TAF2: variants seen among roughly 807,000 people sequenced by gnomAD.
TAF2 encodes the protein TATA-box binding protein associated factor 2.
TAF2 carries 61 observed loss-of-function variants against 138.5 expected under a neutral mutation model. The ratio of observed to expected loss-of-function variants is 0.44; its 90% confidence interval spans 0.36 to 0.54. The LOEUF (loss-of-function observed/expected upper bound fraction) is 0.54, where lower values mean the gene tolerates loss of function less well. Among genes scored for constraint, TAF2 ranks in the 20% least tolerant of loss-of-function variants. TAF2 has a pLI of 0.00. For synonymous variants in TAF2, 475 were observed against 469.9 expected (o/e 1.01, Z -0.14); for missense variants, 1,090 against 1,427.9 (o/e 0.76, Z 3.81).
At chr8:119,797,936 T>C in intron 6 of TAF2, 90 bp from the exon 7 acceptor site, 1 of 1,196,364 alleles carries the variant, frequency 8.4e-7, no homozygotes, top group Non-Finnish European at 1.2e-6. Context: ...TAAATAAATG[T>C]TCTCATAAAT....
intron 18 of TAF2, among the ~76,000 whole-genome samples, chr8:119,772,116 A>AT (rs1187903908): frequency 6.6e-6 from 1 of 152,190 alleles, no homozygotes; most frequent in Non-Finnish European, 1.5e-5. Context: ...ATCAAGACAA[A>AT]TAAAAAAAAG....
chr8:119,772,236 T>A (rs555460333), intron 18 of TAF2, among the ~76,000 whole-genome samples: 8 of 152,302 alleles, frequency 5.3e-5, no homozygotes, highest in Admixed American at 5.2e-4. Context: ...GATCTCAAAT[T>A]AACAACCTAC....
At chr8:119,808,650 G>C (rs558315184) in intron 3 of TAF2, among the ~76,000 whole-genome samples, 1 of 152,280 alleles carries the variant, frequency 6.6e-6, no homozygotes, top group East Asian at 1.9e-4. Flanking sequence ...AATAAGACTT[G>C]AAAGTAGAAA....
chr8:119,792,960 T>C (rs890044688), intron 10 of TAF2, among the ~76,000 whole-genome samples: 2 of 152,098 alleles, frequency 1.3e-5, no homozygotes, highest in African/African-American at 4.8e-5. Context: ...CTGTGGTACT[T>C]TGGTATAGTA....
In TAF2 at chr8:119,797,079, C is replaced by T; in HGVS notation, c.1002G>A (p.Met334Ile). The stretch of plus-strand genomic sequence containing the variant: ...TAGTCAAAGGTGTCTCATCTATAAT[C>T]ATGGCACTGTGTAAAAGATTTGTGC... ...IFSTNLLHSA[M>I]IIDETPLTRR... Residue 334 changes from methionine (M) to isoleucine (I), a missense_variant, in exon 8 of 26, where the codon ATG (methionine) becomes ATA (isoleucine). This residue lies in a region of TAF2 where 504 missense variants were observed against 680.9 expected (regional missense o/e 0.74). Transcript: ENST00000378164. 1 of 1,613,072 alleles carries T rather than the reference C, an allele frequency of 6.2e-7. No homozygotes were observed. Among genetic ancestry groups the T allele is most frequent in the Non-Finnish European group, 8.5e-7 (1 of 1,179,368 alleles).
intron 18 of TAF2, among the ~76,000 whole-genome samples, chr8:119,770,413 C>T (rs999224995): frequency 6.6e-6 from 1 of 152,120 alleles, no homozygotes; most frequent in African/African-American, 2.4e-5. Context: ...AGAAACCTTA[C>T]AAGCAGGAAG....
rs1473913724 is a variant in TAF2, at chr8:119,731,759, T to C, written c.*165A>G. ...CACATTTTCCTAATTAGATCCCAAC[T>C]GTATAAATAACATAAATCAAATGCT... On this transcript the variant is annotated 3_prime_UTR_variant, in exon 26 of 26. Transcript: ENST00000378164. The C allele has an allele frequency of 1.4e-6, 1 of 704,554 alleles. No homozygotes were observed. The highest frequency in any genetic ancestry group is 2.4e-6 in the Non-Finnish European group (1 of 410,698). 43.6% of individuals were successfully genotyped at this position (704,554 alleles called of 1,614,324 possible).
At chr8:119,738,822 TAAATTTAACAC>T (rs1247936689) in intron 25 of TAF2, among the ~76,000 whole-genome samples, 9 of 152,294 alleles carry the variant, frequency 5.9e-5, no homozygotes, top group African/African-American at 1.4e-4. Flanking sequence ...GGTATATGTT[TAAATTTAACAC>T]AAAACCTGCA....
chr8:119,760,433 T>C (rs2131055193), intron 20 of TAF2, 166 bp downstream of exon 20: 1 of 774,098 alleles, frequency 1.3e-6, no homozygotes, highest in East Asian at 2.8e-5. Flanking sequence ...TTATTAACTC[T>C]TATGTGAATT....
At chr8:119,794,889 G>A (rs1355769326) in intron 9 of TAF2, among the ~76,000 whole-genome samples, 1 of 152,056 alleles carries the variant, frequency 6.6e-6, no homozygotes, top group Non-Finnish European at 1.5e-5. Flanking sequence ...AAGATGATAA[G>A]GTTTGTTTAA....
At chr8:119,813,719 T>A (rs963361044) in intron 3 of TAF2, among the ~76,000 whole-genome samples, 2 of 152,230 alleles carry the variant, frequency 1.3e-5, no homozygotes, top group African/African-American at 4.8e-5. Flanking sequence ...GAAAGGTATG[T>A]ATTTAATTAG....
At chr8:119,758,004 GTAAT>G in intron 21 of TAF2, 65 bp downstream of exon 21, 1 of 1,266,172 alleles carries the variant, frequency 7.9e-7, no homozygotes, top group Non-Finnish European at 1.2e-6. Flanking sequence ...CATTTTATGT[GTAAT>G]CTGAAATTAC....
rs577637737 is a variant in TAF2 at position 119,790,662 on chromosome 8, C to T, written c.1413+662G>A. Reference sequence around the variant, plus strand: ...GCTTAAAATACATGGCAAAATTTAGCGATAGCAAAAATAAACATCTTTTTT... The same window carrying T: ...GCTTAAAATACATGGCAAAATTTAGTGATAGCAAAAATAAACATCTTTTTT... On this transcript the variant is annotated intron_variant, in intron 11 of 25. Transcript: ENST00000378164. Among the ~76,000 whole-genome samples, 116 of 152,152 alleles carry T rather than the reference C, an allele frequency of 7.6e-4. 2 individuals carry two copies. In the South Asian group the frequency reaches 0.024, roughly 31 times the overall value.
At chr8:119,819,648 T>C in intron 2 of TAF2, 142 bp from the exon 3 acceptor site, 2 of 685,760 alleles carry the variant, frequency 2.9e-6, no homozygotes, top group East Asian at 2.7e-5. Context: ...GCTCTCCAAG[T>C]ATCTTAATTT....
intron 3 of TAF2, among the ~76,000 whole-genome samples, chr8:119,817,514 G>A (rs1825557272): frequency 6.6e-6 from 1 of 152,094 alleles, no homozygotes; most frequent in African/African-American, 2.4e-5. Context: ...TGCTGATTTA[G>A]AACACTAAAA....
intron 2 of TAF2, among the ~76,000 whole-genome samples, chr8:119,821,804 A>G (rs1316563476): frequency 1.3e-5 from 2 of 152,172 alleles, no homozygotes; most frequent in East Asian, 1.9e-4. Flanking sequence ...TGGGAGGCTG[A>G]GGCAGGAGGA....
Position 119,795,528 on chromosome 8 carries a change from T to C in TAF2, c.1191+4A>G, listed in dbSNP as rs1458951075. Reference sequence around the variant, plus strand: ...AAGTGGATAAGGGATCTAGCTGTTATTACCTCTTTAATCCAATGGCGGTAC... The same window carrying C: ...AAGTGGATAAGGGATCTAGCTGTTACTACCTCTTTAATCCAATGGCGGTAC... On this transcript the variant is annotated splice_donor_region_variant and intron_variant, in intron 9 of 25. Coordinates refer to ENST00000378164, the MANE Select transcript of TAF2 (RefSeq NM_003184.4). 1.9e-6 allele frequency: 3 copies of C among 1,610,476 alleles called. No homozygotes were observed. Among genetic ancestry groups the C allele is most frequent in the Non-Finnish European group, 2.5e-6 (3 of 1,176,930 alleles).
chr8:119,815,591 A>G (rs1263938265), intron 3 of TAF2, among the ~76,000 whole-genome samples: 1 of 152,124 alleles, frequency 6.6e-6, no homozygotes, highest in Non-Finnish European at 1.5e-5. Flanking sequence ...TGGTCTTAAA[A>G]AAAAAAGAAA....
rs996313798 is a variant in TAF2, at chr8:119,803,741, A to T, written c.560+137T>A. ...TTTTTTTAAGAGGAATGACTAACAG[A>T]AAGTAATTTGAAAGAAGTCTAAATT... On this transcript the variant is annotated intron_variant, in intron 5 of 25. Coordinates refer to ENST00000378164, the MANE Select transcript of TAF2 (RefSeq NM_003184.4). The T allele has an allele frequency of 5.4e-6, 5 of 919,598 alleles. No individual in the cohort carries two copies. The African/African-American group carries it at 8.5e-5, about 16-fold the overall frequency. 57.0% of individuals were successfully genotyped at this position (919,598 alleles called of 1,614,324 possible). A position where few individuals can be genotyped will look rare whatever the true frequency, so the allele number is the denominator to read the frequency against.
Sources: allele counts gnomAD v4.1 joint callset (sites outside exome capture counted in the v4.1 genomes callset), GRCh38; gene constraint gnomAD v4.1.1; regional missense constraint gnomAD v4.1.1; transcripts MANE v1.5; gene names NCBI Gene and HGNC (gene_info 2026-07-23, HGNC 2026-07-21).